The following TLK2 variants were observed in gnomAD, a reference collection of about 807,000 sequenced individuals.
TLK2 encodes tousled like kinase 2.
Under a neutral mutation model 117.3 loss-of-function variants are expected in TLK2, and 6 were observed. The ratio of observed to expected loss-of-function variants is 0.05; its 90% CI spans 0.03 to 0.10. The LOEUF (loss-of-function observed/expected upper bound fraction) is 0.10, where lower values mean the gene tolerates loss of function less well. Among genes scored for constraint, TLK2 ranks in the 10% least tolerant of loss-of-function variants. The pLI is 1.00. For synonymous variants in TLK2, 257 were observed against 316.7 expected, an observed-to-expected ratio of 0.81 and a Z score of 2.00; for missense variants, 299 against 901.2, an observed-to-expected ratio of 0.33 and a Z score of 8.56.
intron 11 of TLK2, among the ~76,000 whole-genome samples, chr17:62,566,988 G>A (rs766252897): frequency 3.6e-4 from 55 of 152,202 alleles, no homozygotes; most frequent in Non-Finnish European, 5.4e-4. Flanking sequence ...AGCACTTTGG[G>A]AGGCCGAAGC....
At chr17:62,566,739 T>C (rs1246434100) in intron 11 of TLK2, among the ~76,000 whole-genome samples, 4 of 152,134 alleles carry the variant, frequency 2.6e-5, no homozygotes, top group Non-Finnish European at 4.4e-5. Context: ...AGTTTCCAGA[T>C]TTGTTAAAAT....
At chr17:62,502,489 A>G (rs1283382265) in intron 2 of TLK2, among the ~76,000 whole-genome samples, 1 of 152,210 alleles carries the variant, frequency 6.6e-6, no homozygotes, top group African/African-American at 2.4e-5. Flanking sequence ...AAACAAGTCA[A>G]TGGTAATTGT....
intron 2 of TLK2, chr17:62,516,828 G>A (rs1598337950): frequency 1.9e-6 from 2 of 1,039,616 alleles, no homozygotes; most frequent in Non-Finnish European, 1.4e-6. Flanking sequence ...TTATGTTTAG[G>A]TCTTTGATGT....
At position 62,580,144 on chromosome 17, in the gene TLK2, T is replaced by C. The variant is rs1283991613; in HGVS notation, c.1320T>C (p.Tyr440=). 6.8e-6 allele frequency: 11 copies of C among 1,613,526 alleles called. No homozygotes were observed. Among genetic ancestry groups the C allele is most frequent in the Non-Finnish European group, 8.5e-6 (10 of 1,179,736 alleles). The change falls in exon 15 of 22, where the codon TAT becomes TAC. Residue 440 remains tyrosine (Y), a synonymous_variant. Coordinates refer to ENST00000346027, the MANE Select transcript of TLK2 (RefSeq NM_006852.6). ...FKDHPTLNDR[Y]LLLHLLGRGG... ...ATCATCCAACGCTAAATGACAGATATTTGTTGTTACATCTTTTGGGTAGAG... is the reference window on the plus strand; with the variant it reads ...ATCATCCAACGCTAAATGACAGATACTTGTTGTTACATCTTTTGGGTAGAG...
In TLK2 at chr17:62,578,528, C is replaced by G. The variant is rs1341361190; in HGVS notation, c.1240C>G (p.Leu414Val). The G allele has an allele frequency of 1.2e-6, 2 of 1,613,770 alleles. No homozygotes were observed. The highest frequency in any genetic ancestry group is 4.5e-5 in the East Asian group (2 of 44,854). ...ELERLERVRN[L>V]HIRELKRIHN... is the part of the protein sequence containing the mutation. ...GGAGAGACTAGAAAGGGTTAGAAATCTACATATCAGGGAACTAAAAAGGAT... is the reference window on the plus strand; with the variant it reads ...GGAGAGACTAGAAAGGGTTAGAAATGTACATATCAGGGAACTAAAAAGGAT... Residue 414 changes from leucine to valine, a missense_variant, in exon 14 of 22, where the codon CTA (leucine) becomes GTA (valine). Coordinates refer to ENST00000346027, the MANE Select transcript of TLK2 (RefSeq NM_006852.6).
chr17:62,481,813 T>C (rs1425052940), intron 2 of TLK2, among the ~76,000 whole-genome samples: 1 of 152,170 alleles, frequency 6.6e-6, no homozygotes, highest in Non-Finnish European at 1.5e-5. Context: ...TCTGCTCTCA[T>C]AGGATGATTT....
At chr17:62,551,405 G>GT (rs1191784782) in intron 7 of TLK2, among the ~76,000 whole-genome samples, 3 of 151,952 alleles carry the variant, frequency 2.0e-5, no homozygotes, top group African/African-American at 4.8e-5. Context: ...GTTTTACCTT[G>GT]TTTTAAAAAG....
At chr17:62,578,059 A>T (rs568110049) in intron 13 of TLK2, among the ~76,000 whole-genome samples, 1 of 152,216 alleles carries the variant, frequency 6.6e-6, no homozygotes, top group Non-Finnish European at 1.5e-5. Flanking sequence ...AAAAATAAAA[A>T]TAAGTAGAAC....
At chr17:62,481,357 C>T in intron 2 of TLK2, 151 bp downstream of exon 2, 1 of 748,648 alleles carries the variant, frequency 1.3e-6, no homozygotes, top group Non-Finnish European at 2.2e-6. Context: ...TCCTACTGGT[C>T]ATTCCAGTAG....
rs1180678953 is a variant in TLK2, at chr17:62,522,307, A to C, written c.223+34A>C. ...AATTTCGTATCAACAAAAGTACTCA[A>C]TTCTAATGTACTTAGATAGAATTTT... On this transcript the variant is annotated intron_variant, in intron 4 of 21. Coordinates refer to ENST00000346027, the MANE Select transcript of TLK2 (RefSeq NM_006852.6). The C allele has an allele frequency of 7.5e-6, 12 of 1,593,476 alleles. No homozygotes were observed. In the Admixed American group the frequency reaches 1.2e-4, roughly 16 times the overall value.
intron 2 of TLK2, among the ~76,000 whole-genome samples, chr17:62,496,779 C>T (rs982842118): frequency 3.3e-5 from 5 of 151,904 alleles, no homozygotes; most frequent in African/African-American, 1.2e-4. Context: ...CATAGTGAAA[C>T]CCCGTCTCTA....
intron 13 of TLK2, among the ~76,000 whole-genome samples, 174 bp downstream of exon 13, chr17:62,576,949 C>T (rs1022466348): frequency 2.2e-5 from 3 of 133,940 alleles, no homozygotes; most frequent in Admixed American, 7.7e-5. Flanking sequence ...TCATATTTTT[C>T]CATTTTCTTT....
At chr17:62,568,171 C>T (rs371314181) in intron 11 of TLK2, among the ~76,000 whole-genome samples, 36 of 152,138 alleles carry the variant, frequency 2.4e-4, no homozygotes, top group East Asian at 1.5e-3. Flanking sequence ...GTGGCTCCCA[C>T]CTGTAATCCC....
intron 19 of TLK2, among the ~76,000 whole-genome samples, chr17:62,604,405 CATAT>C (rs71155941): frequency 2.0e-5 from 3 of 150,970 alleles, no homozygotes; most frequent in African/African-American, 2.4e-5. Flanking sequence ...CAACTATATA[CATAT>C]ATATATATAT....
At chr17:62,530,474 C>A (rs934730758) in intron 6 of TLK2, among the ~76,000 whole-genome samples, 1 of 151,952 alleles carries the variant, frequency 6.6e-6, no homozygotes, top group Non-Finnish European at 1.5e-5. Flanking sequence ...CTCAAAACCC[C>A]CAGAAAAGAA....
chr17:62,536,209 G>A lies in TLK2; in HGVS notation c.403G>A (p.Ala135Thr), dbSNP rs1297770674. ...GCCCCTCTATGGTTTAGATGGCAGT[G>A]CTGCAAAGGAGGCAACGGAGGAGCA... is the stretch of plus-strand genomic sequence containing the variant. ...EQPLYGLDGS[A>T]AKEATEEQSA... Residue 135 changes from alanine (A) to threonine (T), a missense_variant, in exon 7 of 22, where the codon GCT becomes ACT. This residue lies in a region of TLK2 where 105 missense variants were observed against 218.4 expected (regional missense o/e 0.48). Transcript: ENST00000346027. 3 of 1,612,474 alleles carry A rather than the reference G, an allele frequency of 1.9e-6. No individual in the cohort carries two copies.
intron 1 of TLK2, among the ~76,000 whole-genome samples, chr17:62,471,886 G>GTTTTT (rs1179717599): frequency 5.1e-5 from 2 of 38,994 alleles, no homozygotes; most frequent in African/African-American, 7.5e-5. Context: ...AGGTAGTATA[G>GTTTTT]TCTTTTTTTT....
At chr17:62,600,897 G>A (rs547154370) in intron 18 of TLK2, 77 bp downstream of exon 18, 20 of 1,396,694 alleles carry the variant, frequency 1.4e-5, no homozygotes, top group Non-Finnish European at 1.7e-5. Flanking sequence ...GATAAAGTTA[G>A]AGAATTTCAC....
chr17:62,492,750 C>T (rs1228599442), intron 2 of TLK2, among the ~76,000 whole-genome samples: 3 of 152,080 alleles, frequency 2.0e-5, no homozygotes, highest in Admixed American at 6.6e-5. Flanking sequence ...TGAGCCACTG[C>T]GCCTGGCCCA....
Sources: gnomAD v4.1 joint callset for allele counts (sites outside exome capture counted in the v4.1 genomes callset) on GRCh38, gnomAD v4.1.1 for gene constraint, gnomAD v4.1.1 regional missense constraint, MANE v1.5 for transcripts, NCBI Gene and HGNC (gene_info 2026-07-23, HGNC 2026-07-21) for gene names.